Variants in UBAC2 observed in about 807,000 individuals in gnomAD.
UBAC2 encodes ubiquitin-associated domain-containing protein 2.
Under a neutral mutation model 44.0 loss-of-function variants are expected in UBAC2, and 26 were observed. The ratio of observed to expected loss-of-function variants is 0.59; its 90% CI spans 0.43 to 0.82. The LOEUF is 0.82. Among genes scored for constraint, UBAC2 ranks in the 40% least tolerant of loss-of-function variants. The pLI is 0.00. For missense variants in UBAC2, 329 were observed against 419.4 expected, an observed-to-expected ratio of 0.78 and a Z score of 1.88; for synonymous variants, 155 against 154.3, an observed-to-expected ratio of 1.00 and a Z score of -0.04.
At chr13:99,286,859 C>A (rs1477582830) in intron 4 of UBAC2, among the ~76,000 whole-genome samples, 1 of 152,174 alleles carries the variant, frequency 6.6e-6, no homozygotes. Context: ...GTCCCATTCT[C>A]CTATGATTTG....
intron 4 of UBAC2, among the ~76,000 whole-genome samples, chr13:99,304,077 A>G (rs2044295620): frequency 6.6e-6 from 1 of 152,142 alleles, no homozygotes; most frequent in South Asian, 2.1e-4. Context: ...ACCCCAGGCA[A>G]ACCACAAGCT....
chr13:99,257,042 G>C (rs1300455145), intron 4 of UBAC2, among the ~76,000 whole-genome samples: 1 of 152,160 alleles, frequency 6.6e-6, no homozygotes, highest in Non-Finnish European at 1.5e-5. Context: ...TTGAGCAATT[G>C]CTGTGGTTAA....
chr13:99,276,983 G>A (rs1216570328), intron 4 of UBAC2, among the ~76,000 whole-genome samples: 1 of 152,140 alleles, frequency 6.6e-6, no homozygotes. Flanking sequence ...CCTTTGGGAA[G>A]TCAAATGTTA....
chr13:99,244,632 G>A lies in UBAC2; in HGVS notation c.389+8G>A, dbSNP rs1293970595. ...TAATTTGCCTTCTGGATTGTAAGTA[G>A]CACTTAAAGATTGACTTAATTTAGA... On this transcript the variant is annotated splice_region_variant and intron_variant, in intron 4 of 8. Transcript: ENST00000403766. 8.4e-6 allele frequency: 13 copies of A among 1,538,690 alleles called. No individual in the cohort carries two copies. The highest frequency in any genetic ancestry group is 4.5e-5 in the South Asian group (4 of 89,040).
At chr13:99,255,772 A>G in intron 4 of UBAC2, 1 of 1,613,990 alleles carries the variant, frequency 6.2e-7, no homozygotes, top group Non-Finnish European at 8.5e-7. Context: ...TAATCCAATT[A>G]TGAAGATACA....
intron 6 of UBAC2, among the ~76,000 whole-genome samples, chr13:99,321,756 A>G (rs1336434414): frequency 2.0e-5 from 3 of 152,206 alleles, no homozygotes; most frequent in South Asian, 2.1e-4. Context: ...ACCACTTTTT[A>G]TCTTCAGTGA....
intron 4 of UBAC2, among the ~76,000 whole-genome samples, chr13:99,306,561 G>C (rs2044339765): frequency 6.6e-6 from 1 of 151,772 alleles, no homozygotes; most frequent in South Asian, 2.1e-4. Flanking sequence ...AACCCTCACT[G>C]CCCTTTAAAG....
intron 4 of UBAC2, among the ~76,000 whole-genome samples, chr13:99,290,451 C>T (rs528112997): frequency 1.3e-5 from 2 of 152,116 alleles, no homozygotes; most frequent in African/African-American, 2.4e-5. Flanking sequence ...CAAGGCCGGG[C>T]GCAGTGGTTT....
chr13:99,302,535 T>G (rs566725490), intron 4 of UBAC2, among the ~76,000 whole-genome samples: 291 of 152,338 alleles, frequency 1.9e-3, no homozygotes, highest in Admixed American at 4.0e-3. Context: ...GCCTTCTTGT[T>G]CAAACAGGGG....
chr13:99,249,388 T>C (rs2043429992), intron 4 of UBAC2, among the ~76,000 whole-genome samples: 1 of 152,240 alleles, frequency 6.6e-6, no homozygotes, highest in South Asian at 2.1e-4. Flanking sequence ...TTTTTATGGC[T>C]GCATAATATT....
chr13:99,334,086 A>G lies in UBAC2; in HGVS notation c.562-6234A>G, dbSNP rs544688315. The stretch of plus-strand genomic sequence containing the variant: ...ATCAGCCTTCCAAGTATCTGGGACT[A>G]CAGGCATGCACCACCATGCCCAGCT... On this transcript the variant is annotated intron_variant, in intron 6 of 8. Transcript: ENST00000403766. 1.4e-4 allele frequency among the ~76,000 whole-genome samples: 21 copies of G among 152,234 alleles called. No individual in the cohort carries two copies. The South Asian group carries it at 3.5e-3, about 26-fold the overall frequency.
intron 4 of UBAC2, among the ~76,000 whole-genome samples, chr13:99,253,040 TTCTTG>T (rs764818263): frequency 3.3e-5 from 5 of 151,220 alleles, no homozygotes; most frequent in Non-Finnish European, 7.4e-5. Context: ...AGAGTTGTTT[TTCTTG>T]TTTTAGAAAT....
chr13:99,357,518 G>A (rs2045205107), intron 7 of UBAC2, among the ~76,000 whole-genome samples: 2 of 152,224 alleles, frequency 1.3e-5, no homozygotes, highest in African/African-American at 4.8e-5. Flanking sequence ...ACTACGCATA[G>A]AAGGCAAATG....
At chr13:99,214,187 A>G (rs572190911) in intron 1 of UBAC2, among the ~76,000 whole-genome samples, 7 of 149,512 alleles carry the variant, frequency 4.7e-5, no homozygotes, top group South Asian at 2.1e-4. Flanking sequence ...TGTTTCTTCA[A>G]TCTTGTATCA....
At chr13:99,245,519 GGAGTA>G (rs1376143860) in intron 4 of UBAC2, among the ~76,000 whole-genome samples, 1 of 152,118 alleles carries the variant, frequency 6.6e-6, no homozygotes, top group Non-Finnish European at 1.5e-5. Context: ...CTAGAATCTA[GGAGTA>G]GAGTTGACAG....
chr13:99,379,659 A>G (rs1171394745), intron 8 of UBAC2, among the ~76,000 whole-genome samples: 1 of 152,066 alleles, frequency 6.6e-6, no homozygotes. Flanking sequence ...TTTTTCATTA[A>G]TTTCTGTTTA....
At chr13:99,265,137 T>C (rs1487052862) in intron 4 of UBAC2, among the ~76,000 whole-genome samples, 3 of 152,206 alleles carry the variant, frequency 2.0e-5, no homozygotes, top group Non-Finnish European at 4.4e-5. Flanking sequence ...GACAAGGTAT[T>C]TACCAGAACT....
intron 4 of UBAC2, among the ~76,000 whole-genome samples, chr13:99,291,959 C>T (rs1193403057): frequency 5.3e-5 from 8 of 152,140 alleles, no homozygotes; most frequent in African/African-American, 1.9e-4. Context: ...GAGCCCACAG[C>T]TTAGCCAAGT....
At chr13:99,242,069 A>G (rs1252507164) in intron 2 of UBAC2, among the ~76,000 whole-genome samples, 3 of 151,844 alleles carry the variant, frequency 2.0e-5, no homozygotes, top group Non-Finnish European at 4.4e-5. Flanking sequence ...GTCACAGATC[A>G]ACAGGATCCC....
Sources: gnomAD v4.1 joint callset for allele counts (sites outside exome capture counted in the v4.1 genomes callset) on GRCh38, gnomAD v4.1.1 for gene constraint, MANE v1.5 for transcripts, NCBI Gene and HGNC (gene_info 2026-07-23, HGNC 2026-07-21) for gene names.